The following KYNU variants were observed in gnomAD, a reference collection of about 807,000 sequenced individuals.
KYNU encodes kynureninase.
A neutral mutation model predicts 59.2 loss-of-function variants in KYNU; 54 were observed. The ratio of observed to expected loss-of-function variants is 0.91; its 90% CI spans 0.73 to 1.14. The LOEUF is 1.14. Among genes scored for constraint, KYNU ranks in the 50% most tolerant of loss-of-function variants. The probability of loss-of-function intolerance (pLI) is 0.00; values close to 1 mark genes in which losing one functional copy is unlikely to be tolerated. For synonymous variants in KYNU, 177 were observed against 192.0 expected (o/e 0.92, Z 0.65); for missense variants, 567 against 554.4 (o/e 1.02, Z -0.23).
chr2:142,935,850 G>T (rs993629419), intron 4 of KYNU, among the ~76,000 whole-genome samples: 1 of 152,136 alleles, frequency 6.6e-6, no homozygotes, highest in African/African-American at 2.4e-5. Context: ...GATACATACG[G>T]GCGTAAGGTG....
chr2:142,999,973 C>A (rs1025768162), intron 10 of KYNU, among the ~76,000 whole-genome samples: 4 of 152,030 alleles, frequency 2.6e-5, no homozygotes, highest in Non-Finnish European at 4.4e-5. Flanking sequence ...TTTAGAATTT[C>A]ATTAAGATTG....
At chr2:142,990,437 G>A (rs1350489784) in intron 10 of KYNU, among the ~76,000 whole-genome samples, 6 of 151,756 alleles carry the variant, frequency 4.0e-5, no homozygotes. Context: ...TCAAAGCTTT[G>A]TGAATCCTTT....
At chr2:143,006,004 T>C (rs1390961565) in intron 10 of KYNU, among the ~76,000 whole-genome samples, 3 of 152,120 alleles carry the variant, frequency 2.0e-5, no homozygotes, top group Admixed American at 1.3e-4. Flanking sequence ...GGAGGAAATA[T>C]CCAAAGTCAC....
chr2:142,942,353 TA>T (rs1340938830), intron 4 of KYNU, among the ~76,000 whole-genome samples: 1 of 152,214 alleles, frequency 6.6e-6, no homozygotes, highest in Non-Finnish European at 1.5e-5. Flanking sequence ...TAATAAATTC[TA>T]ATTTGTTTCT....
chr2:142,955,381 G>T (rs1031244383), intron 5 of KYNU, among the ~76,000 whole-genome samples: 17 of 152,040 alleles, frequency 1.1e-4, no homozygotes, highest in Admixed American at 9.8e-4. Context: ...ACCTTAAAGT[G>T]TCAAATCTAT....
chr2:143,026,997 G>T (rs1686593860), intron 10 of KYNU, among the ~76,000 whole-genome samples: 1 of 152,210 alleles, frequency 6.6e-6, no homozygotes, highest in Admixed American at 6.5e-5. Flanking sequence ...GTGGGGCCAT[G>T]AGTGGTTTAG....
rs894772382 is a variant in KYNU at position 142,885,539 on chromosome 2, A to G, written c.169+3A>G. On this transcript the variant is annotated splice_donor_region_variant and intron_variant, in intron 2 of 13. Coordinates refer to ENST00000264170, the MANE Select transcript of KYNU (RefSeq NM_003937.3). ...CAAAATACAGGATCTGCCTCCAGGTAAGAATGCTGGGAAGGTTTTTAAATT... is the reference window on the plus strand; with the variant it reads ...CAAAATACAGGATCTGCCTCCAGGTGAGAATGCTGGGAAGGTTTTTAAATT... The G allele has an allele frequency of 1.2e-6, 2 of 1,612,026 alleles. No homozygotes were observed. The highest frequency in any genetic ancestry group is 1.7e-6 in the Non-Finnish European group (2 of 1,179,014).
intron 2 of KYNU, among the ~76,000 whole-genome samples, chr2:142,900,279 C>T (rs925202704): frequency 3.3e-5 from 5 of 152,180 alleles, no homozygotes; most frequent in African/African-American, 1.2e-4. Context: ...AGTGGTGGGT[C>T]TGCAACGGTG....
At chr2:142,961,478 T>G (rs1684348391) in intron 8 of KYNU, among the ~76,000 whole-genome samples, 2 of 152,042 alleles carry the variant, frequency 1.3e-5, no homozygotes, top group African/African-American at 4.8e-5. Flanking sequence ...AACTCATACT[T>G]TGTCATACTA....
intron 8 of KYNU, among the ~76,000 whole-genome samples, chr2:142,984,697 C>T (rs1685148787): frequency 1.3e-5 from 2 of 151,944 alleles, no homozygotes; most frequent in Admixed American, 1.3e-4. Context: ...ACAGTTTTCA[C>T]AAGGATATTT....
rs561906305 is a variant in KYNU, at chr2:142,906,883, A to G, written c.170-11726A>G. Among the ~76,000 whole-genome samples the G allele has an allele frequency of 1.1e-4, 17 of 152,232 alleles. No homozygotes were observed. The South Asian group carries it at 3.5e-3, about 32-fold the overall frequency. On this transcript the variant is annotated intron_variant, in intron 2 of 13. Coordinates refer to ENST00000264170, the MANE Select transcript of KYNU (RefSeq NM_003937.3). ...GTTGACCCTTGGCATCCCTAGGAAA[A>G]TTGTGAAAGTGGAAGCTGGTTCCAG...
At chr2:142,894,730 A>T (rs1156841234) in intron 2 of KYNU, among the ~76,000 whole-genome samples, 2 of 152,206 alleles carry the variant, frequency 1.3e-5, no homozygotes, top group African/African-American at 4.8e-5. Context: ...GTATGTTTCC[A>T]TATATAGAGA....
intron 8 of KYNU, among the ~76,000 whole-genome samples, chr2:142,981,822 C>T (rs565545574): frequency 7.2e-5 from 11 of 152,116 alleles, no homozygotes; most frequent in African/African-American, 2.6e-4. Context: ...GCAAACCAAT[C>T]CTATAGGGTA....
intron 4 of KYNU, among the ~76,000 whole-genome samples, chr2:142,944,656 A>AAAC (rs1416669229): frequency 6.6e-6 from 1 of 152,242 alleles, no homozygotes; most frequent in African/African-American, 2.4e-5. Flanking sequence ...CAACTTGAAT[A>AAAC]AACTTTGGTT....
At chr2:142,994,869 A>T (rs1158583321) in intron 10 of KYNU, among the ~76,000 whole-genome samples, 2 of 152,114 alleles carry the variant, frequency 1.3e-5, no homozygotes, top group Non-Finnish European at 2.9e-5. Flanking sequence ...TTTGCAAATT[A>T]TTCTGAAGCG....
intron 3 of KYNU, among the ~76,000 whole-genome samples, chr2:142,926,531 G>A (rs1558925256): frequency 1.3e-5 from 2 of 152,330 alleles, no homozygotes; most frequent in Non-Finnish European, 2.9e-5. Context: ...GAGGAAAAGT[G>A]ACAGGGAAGT....
rs1185525229 is a variant in KYNU at position 143,050,443 on chromosome 2, G to C, written c.*8271G>C. The C allele has an allele frequency of 1.3e-5, 2 of 152,088 alleles. No individual in the cohort carries two copies. The highest frequency in any genetic ancestry group is 2.9e-5 in the Non-Finnish European group (2 of 68,022). 9.4% of individuals were successfully genotyped at this position (152,088 alleles called of 1,614,324 possible). Reference sequence around the variant, plus strand: ...AATTTGCTGAGGATGATAGCTTCCAGCTTCATCCACGTCCCTGCAAAGGAC... The same window carrying C: ...AATTTGCTGAGGATGATAGCTTCCACCTTCATCCACGTCCCTGCAAAGGAC... On this transcript the variant is annotated 3_prime_UTR_variant, in exon 14 of 14. Transcript: ENST00000264170.
intron 4 of KYNU, among the ~76,000 whole-genome samples, chr2:142,946,849 A>T (rs1683801239): frequency 6.6e-6 from 1 of 152,164 alleles, no homozygotes; most frequent in South Asian, 2.1e-4. Context: ...TAGAGGACTC[A>T]TTCATCTACA....
chr2:143,026,623 C>G (rs1386534923), intron 10 of KYNU, among the ~76,000 whole-genome samples: 1 of 152,222 alleles, frequency 6.6e-6, no homozygotes, highest in Non-Finnish European at 1.5e-5. Context: ...ACTGACCCCA[C>G]ACTTTAGAAC....
Sources: allele counts gnomAD v4.1 joint callset (sites outside exome capture counted in the v4.1 genomes callset), GRCh38; gene constraint gnomAD v4.1.1; transcripts MANE v1.5; gene names NCBI Gene and HGNC (gene_info 2026-07-23, HGNC 2026-07-21).